The following DPP10 variants were observed in gnomAD, a reference collection of about 807,000 sequenced individuals.
DPP10 encodes the protein dipeptidyl peptidase like 10, also known as inactive dipeptidyl peptidase 10.
A neutral mutation model predicts 120.9 loss-of-function variants in DPP10; 33 were observed. The ratio of observed to expected loss-of-function variants is 0.27; its 90% CI spans 0.21 to 0.37. The LOEUF (loss-of-function observed/expected upper bound fraction) is 0.37. Among genes scored for constraint, DPP10 ranks in the 10% least tolerant of loss-of-function variants. DPP10 has a pLI of 1.00. For synonymous variants in DPP10, 337 were observed against 326.1 expected (o/e 1.03, Z -0.36); for missense variants, 816 against 942.8 (o/e 0.87, Z 1.76).
Position 115,819,770 on chromosome 2 carries a change from G to A in DPP10, c.1950+4041G>A, listed in dbSNP as rs184577493. Reference sequence around the variant, plus strand: ...GCACCTTGGGAGGCCGAGGTGGGCGGATCGCCTGAGGTTGGGAGTTCGAGA... The same window carrying A: ...GCACCTTGGGAGGCCGAGGTGGGCGAATCGCCTGAGGTTGGGAGTTCGAGA... On this transcript the variant is annotated intron_variant, in intron 21 of 25. Transcript: ENST00000410059. Among the ~76,000 whole-genome samples, 348 of 152,234 alleles carry A rather than the reference G, an allele frequency of 2.3e-3. 1 individual carries two copies. Among genetic ancestry groups the A allele is most frequent in the Non-Finnish European group, 4.1e-3 (277 of 68,014 alleles).
At chr2:115,782,735 A>G (rs1682916627) in intron 17 of DPP10, among the ~76,000 whole-genome samples, 1 of 152,094 alleles carries the variant, frequency 6.6e-6, no homozygotes, top group Non-Finnish European at 1.5e-5. Context: ...CACATAAGTT[A>G]TTCCTCCAGA....
chr2:115,231,344 G>T (rs577448891), intron 1 of DPP10, among the ~76,000 whole-genome samples: 1 of 152,136 alleles, frequency 6.6e-6, no homozygotes, highest in African/African-American at 2.4e-5. Context: ...AAACATCTAT[G>T]TTTATCTTAA....
intron 1 of DPP10, among the ~76,000 whole-genome samples, chr2:114,869,037 T>C (rs1280226970): frequency 6.6e-6 from 1 of 152,148 alleles, no homozygotes; most frequent in Non-Finnish European, 1.5e-5. Context: ...CAGCACTCAG[T>C]AAGTGAAAGT....
At chr2:114,783,750 C>A (rs1025643716) in intron 1 of DPP10, among the ~76,000 whole-genome samples, 2 of 152,028 alleles carry the variant, frequency 1.3e-5, no homozygotes, top group East Asian at 3.9e-4. Context: ...GGGAGGATTG[C>A]TTGAGCCCAG....
At chr2:115,040,398 C>A (rs1704546329) in intron 1 of DPP10, among the ~76,000 whole-genome samples, 1 of 151,814 alleles carries the variant, frequency 6.6e-6, no homozygotes, top group Non-Finnish European at 1.5e-5. Flanking sequence ...ATAAATATTT[C>A]TAAAAGTTTG....
chr2:114,669,763 TTTA>T (rs1290493048), intron 1 of DPP10, among the ~76,000 whole-genome samples: 3 of 152,082 alleles, frequency 2.0e-5, no homozygotes, highest in Non-Finnish European at 2.9e-5. Context: ...GGCCATTTTT[TTTA>T]TTATTACAAA....
intron 3 of DPP10, among the ~76,000 whole-genome samples, chr2:115,353,545 A>G (rs2064171681): frequency 1.3e-5 from 2 of 152,260 alleles, no homozygotes; most frequent in Admixed American, 1.3e-4. Flanking sequence ...TTTTGTGGGA[A>G]TGGGAGTTGT....
chr2:114,479,242 A>T (rs540807893), intron 1 of DPP10, among the ~76,000 whole-genome samples: 7 of 152,176 alleles, frequency 4.6e-5, no homozygotes, highest in African/African-American at 1.7e-4. Context: ...AGACAAGCTT[A>T]TTCTCAAATT....
chr2:115,168,233 C>T (rs1035216783), intron 1 of DPP10, among the ~76,000 whole-genome samples: 3 of 152,182 alleles, frequency 2.0e-5, no homozygotes, highest in Admixed American at 6.5e-5. Context: ...TTAAAATCAT[C>T]TCCATATATT....
At chr2:115,227,627 T>A (rs569157130) in intron 1 of DPP10, among the ~76,000 whole-genome samples, 16 of 152,228 alleles carry the variant, frequency 1.1e-4, no homozygotes, top group African/African-American at 2.9e-4. Flanking sequence ...GTTCAGATAG[T>A]TTTGCTTTAG....
At chr2:114,997,508 A>G (rs1019944595) in intron 1 of DPP10, among the ~76,000 whole-genome samples, 1 of 6,758 alleles carries the variant, frequency 1.5e-4, no homozygotes, top group East Asian at 0.25. Context: ...AAGAAAAAAA[A>G]AAAGAAAAAA....
chr2:115,461,476 G>T (rs903127079), intron 3 of DPP10, among the ~76,000 whole-genome samples: 4 of 152,028 alleles, frequency 2.6e-5, no homozygotes, highest in Non-Finnish European at 5.9e-5. Flanking sequence ...ATAGTTAACC[G>T]ATATCATATT....
intron 1 of DPP10, among the ~76,000 whole-genome samples, chr2:114,891,253 A>G (rs1692520539): frequency 6.6e-6 from 1 of 152,172 alleles, no homozygotes. Context: ...CAAGTGGGAG[A>G]TATTCCAGGG....
At chr2:115,763,635 A>T (rs1285471050) in intron 12 of DPP10, among the ~76,000 whole-genome samples, 1 of 152,144 alleles carries the variant, frequency 6.6e-6, no homozygotes, top group Non-Finnish European at 1.5e-5. Flanking sequence ...TCCATGTTCG[A>T]ACTACAGATC....
intron 3 of DPP10, among the ~76,000 whole-genome samples, chr2:115,447,548 T>C (rs2072721078): frequency 6.6e-6 from 1 of 152,130 alleles, no homozygotes; most frequent in East Asian, 1.9e-4. Flanking sequence ...GGGAGGGACC[T>C]GGTGGTAGGT....
chr2:115,251,365 C>A (rs1481506725), intron 1 of DPP10, among the ~76,000 whole-genome samples: 1 of 152,142 alleles, frequency 6.6e-6, no homozygotes, highest in Admixed American at 6.6e-5. Context: ...CTCCAACATA[C>A]ACATTTCTCA....
At chr2:114,761,720 G>T (rs1680299506) in intron 1 of DPP10, among the ~76,000 whole-genome samples, 1 of 152,060 alleles carries the variant, frequency 6.6e-6, no homozygotes, top group Admixed American at 6.6e-5. Flanking sequence ...GAGCTCACTG[G>T]CTCCTTACCA....
chr2:115,771,541 A>G (rs1421431805), intron 13 of DPP10, among the ~76,000 whole-genome samples: 5 of 152,204 alleles, frequency 3.3e-5, no homozygotes, highest in African/African-American at 9.6e-5. Flanking sequence ...GTATATCCAT[A>G]CGAATGTATT....
At chr2:115,391,067 T>C (rs563245372) in intron 3 of DPP10, among the ~76,000 whole-genome samples, 1 of 152,274 alleles carries the variant, frequency 6.6e-6, no homozygotes, top group African/African-American at 2.4e-5. Context: ...AATGCAGAGC[T>C]GTCAAGAAGG....
Sources: allele counts gnomAD v4.1 joint callset (sites outside exome capture counted in the v4.1 genomes callset), GRCh38; gene constraint gnomAD v4.1.1; transcripts MANE v1.5; gene names NCBI Gene and HGNC (gene_info 2026-07-23, HGNC 2026-07-21).